The following ALOX5AP variants were observed in gnomAD, a reference collection of about 807,000 sequenced individuals.
The protein encoded by ALOX5AP is arachidonate 5-lipoxygenase-activating protein.
Under a neutral mutation model 18.5 loss-of-function variants are expected in ALOX5AP, and 9 were observed. The observed-to-expected ratio is 0.49, with a 90% CI of 0.29 to 0.85. The LOEUF is 0.85. Ranked by LOEUF, ALOX5AP falls within the 40% of genes least tolerant of loss-of-function variation. The pLI is 0.08. For synonymous variants in ALOX5AP, 81 were observed against 78.6 expected (o/e 1.03, Z -0.16); for missense variants, 172 against 202.5 (o/e 0.85, Z 0.91).
chr13:30,738,011 T>C (rs911758989), intron 1 of ALOX5AP, among the ~76,000 whole-genome samples: 2 of 152,220 alleles, frequency 1.3e-5, no homozygotes, highest in Admixed American at 6.5e-5. Context: ...CAAAAAAATA[T>C]GCAAAAACCC....
At chr13:30,727,742 GC>G (rs763097937) in intron 1 of ALOX5AP, among the ~76,000 whole-genome samples, 32 of 152,274 alleles carry the variant, frequency 2.1e-4, no homozygotes, top group Non-Finnish European at 3.8e-4. Flanking sequence ...CCTGCAGAAA[GC>G]CCCAGTGTTG....
intron 3 of ALOX5AP, among the ~76,000 whole-genome samples, chr13:30,754,572 C>T (rs1006614201): frequency 6.6e-6 from 1 of 152,180 alleles, no homozygotes; most frequent in African/African-American, 2.4e-5. Context: ...TTATGACCTA[C>T]AAAAATAGCA....
intron 1 of ALOX5AP, among the ~76,000 whole-genome samples, chr13:30,726,282 G>A (rs921706108): frequency 1.3e-5 from 2 of 152,158 alleles, no homozygotes; most frequent in African/African-American, 4.8e-5. Flanking sequence ...GGAGAAATTG[G>A]ACTGCCACTT....
intron 1 of ALOX5AP, among the ~76,000 whole-genome samples, chr13:30,739,556 TC>T (rs1439707009): frequency 6.6e-6 from 1 of 152,248 alleles, no homozygotes; most frequent in African/African-American, 2.4e-5. Context: ...TGTCTCAGCC[TC>T]CTGAGTAGCT....
chr13:30,760,531 C>T (rs1352669040), intron 4 of ALOX5AP, among the ~76,000 whole-genome samples: 1 of 152,212 alleles, frequency 6.6e-6, no homozygotes, highest in Admixed American at 6.5e-5. Context: ...AAGTTTTATG[C>T]TGCCTGTGGA....
rs1951967825 is a variant in ALOX5AP, at chr13:30,763,970, G to A, written c.350G>A (p.Arg117His). Residue 117 changes from arginine (R) to histidine (H), a missense_variant, in exon 5 of 5, where the codon CGC becomes CAC. Physicochemically the swap from Arg to His is conservative, Grantham distance 29. Transcript: ENST00000380490. ...QSTPGYIFGK[R>H]IILFLFLMSV... ...ACCCCTGGCTACATATTTGGGAAAC[G>A]CATCATACTCTTCCTGTTCCTCATG... is the stretch of plus-strand genomic sequence containing the variant. 6 of 1,613,906 alleles carry A rather than the reference G, an allele frequency of 3.7e-6. No homozygotes were observed. Among genetic ancestry groups the A allele is most frequent in the Non-Finnish European group, 5.1e-6 (6 of 1,179,938 alleles).
chr13:30,748,888 T>C (rs1951830071), intron 2 of ALOX5AP, among the ~76,000 whole-genome samples: 1 of 152,204 alleles, frequency 6.6e-6, no homozygotes, highest in Non-Finnish European at 1.5e-5. Flanking sequence ...CCATGTGAAC[T>C]TCAAAGACTA....
exon 1 of ALOX5AP, chr13:30,713,546 G>A: frequency 1.7e-6 from 1 of 580,962 alleles, no homozygotes; most frequent in Non-Finnish European, 3.1e-6. Flanking sequence ...AAAGGGCCCG[G>A]ACTCCAGGGA....
At chr13:30,759,237 G>A (rs1033299359) in intron 4 of ALOX5AP, among the ~76,000 whole-genome samples, 65 of 152,130 alleles carry the variant, frequency 4.3e-4, no homozygotes, top group African/African-American at 1.5e-3. Context: ...TTCCCTAGCA[G>A]GCACTGGGTT....
intron 4 of ALOX5AP, among the ~76,000 whole-genome samples, chr13:30,762,584 T>C (rs1416876255): frequency 7.1e-6 from 1 of 139,938 alleles, no homozygotes; most frequent in Non-Finnish European, 1.5e-5. Context: ...CTTGACTCAG[T>C]CTCAAAAAAA....
intron 1 of ALOX5AP, among the ~76,000 whole-genome samples, chr13:30,729,156 T>G (rs1294012185): frequency 6.6e-6 from 1 of 150,906 alleles, no homozygotes; most frequent in Non-Finnish European, 1.5e-5. Context: ...ATTTATTGAT[T>G]TTTTTTTTCT....
chr13:30,744,558 C>A (rs894370215), intron 2 of ALOX5AP, among the ~76,000 whole-genome samples: 1 of 152,200 alleles, frequency 6.6e-6, no homozygotes, highest in Non-Finnish European at 1.5e-5. Flanking sequence ...CAGCCTTCAA[C>A]TCACCCACCC....
At chr13:30,713,581 C>G in exon 1 of ALOX5AP, 1 of 640,170 alleles carries the variant, frequency 1.6e-6, no homozygotes. Flanking sequence ...TGGCCTGATT[C>G]CTGCACCCCA....
rs1951971735 is a variant in ALOX5AP at position 30,764,280 on chromosome 13, G to C, written c.*174G>C. 1 of 652,536 alleles carries C rather than the reference G, an allele frequency of 1.5e-6. No homozygotes were observed. The highest frequency in any genetic ancestry group is 2.4e-6 in the Non-Finnish European group (1 of 408,786). The allele number at this position is 652,536 out of a possible 1,614,324, so 40.4% of individuals were successfully genotyped here. ...CCGGGAACAAAATGATGTCATGTCA[G>C]CTCCGCCCCTTGAACATGACCGTGG... On this transcript the variant is annotated 3_prime_UTR_variant, in exon 5 of 5. Transcript: ENST00000380490.
rs570870842 is a variant in ALOX5AP, at chr13:30,728,158, A to G, written c.117-7393A>G. Among the ~76,000 whole-genome samples the G allele has an allele frequency of 1.5e-3, 236 of 152,298 alleles. 2 individuals carry two copies. The highest frequency in any genetic ancestry group is 3.5e-4 in the Non-Finnish European group (24 of 68,026). On this transcript the variant is annotated intron_variant, in intron 1 of 5. Coordinates refer to the ALOX5AP transcript ENST00000617770. ...GAAGACAGAAACGCCAAGGGAGAAC[A>G]CCATATGCTGATGGAGGCAGTGGCA... is the stretch of plus-strand genomic sequence containing the variant.
intron 2 of ALOX5AP, among the ~76,000 whole-genome samples, chr13:30,748,084 A>C (rs1168025366): frequency 1.3e-5 from 2 of 151,892 alleles, no homozygotes; most frequent in Non-Finnish European, 2.9e-5. Context: ...ATGTCCGGCT[A>C]ATTTTTGTAT....
upstream of ALOX5AP, among the ~76,000 whole-genome samples, chr13:30,732,732 A>G (rs1951690966): frequency 6.6e-6 from 1 of 152,164 alleles, no homozygotes; most frequent in Non-Finnish European, 1.5e-5. Flanking sequence ...TCTCCAGGAA[A>G]CAGGTCTGCA....
intron 1 of ALOX5AP, among the ~76,000 whole-genome samples, chr13:30,717,123 C>A (rs537527651): frequency 1.3e-3 from 197 of 152,356 alleles, no homozygotes; most frequent in Middle Eastern, 3.4e-3. Flanking sequence ...AATCACACAC[C>A]ATGACCCAAT....
chr13:30,755,714 C>A (rs1441596475), intron 3 of ALOX5AP, among the ~76,000 whole-genome samples: 1 of 152,226 alleles, frequency 6.6e-6, no homozygotes, highest in African/African-American at 2.4e-5. Context: ...CCACGTGCGA[C>A]CCGCAGGCTC....
Sources: gnomAD v4.1 joint callset for allele counts (sites outside exome capture counted in the v4.1 genomes callset) on GRCh38, gnomAD v4.1.1 for gene constraint, MANE v1.5 for transcripts, NCBI Gene and HGNC (gene_info 2026-07-23, HGNC 2026-07-21) for gene names.